AP1B1: variants seen among roughly 807,000 people sequenced by gnomAD.
AP1B1 encodes the protein AP-1 complex subunit beta-1.
A neutral mutation model predicts 104.3 loss-of-function variants in AP1B1; 36 were observed. The ratio of observed to expected loss-of-function variants is 0.35; its 90% CI spans 0.26 to 0.46. The LOEUF (loss-of-function observed/expected upper bound fraction) is 0.46. Ranked by LOEUF, AP1B1 falls within the 20% of genes least tolerant of loss-of-function variation. The pLI is 1.00. For synonymous variants in AP1B1, 504 were observed against 517.5 expected (o/e 0.97, Z 0.35); for missense variants, 901 against 1,247.9 (o/e 0.72, Z 4.19).
chr22:29,350,726 CAGAG>C (rs1309824451), intron 9 of AP1B1, among the ~76,000 whole-genome samples: 10 of 152,156 alleles, frequency 6.6e-5, no homozygotes, highest in Non-Finnish European at 2.9e-5. Flanking sequence ...TCTCCACAGA[CAGAG>C]AAAGGACGGG....
chr22:29,331,329 TC>T, intron 19 of AP1B1, 119 bp downstream of exon 19: 2 of 1,001,406 alleles, frequency 2.0e-6, no homozygotes, highest in East Asian at 4.8e-5. Flanking sequence ...AAGCAGCAAC[TC>T]CCCGACTCCA....
In AP1B1 at chr22:29,337,535, G is replaced by A. The variant is rs73403025; in HGVS notation, c.2163+1455C>T. Among the ~76,000 whole-genome samples, 809 of 152,246 alleles carry A rather than the reference G, an allele frequency of 5.3e-3. 7 individuals are homozygous for A. The highest frequency in any genetic ancestry group is 0.018 in the African/African-American group (768 of 41,522). On this transcript the variant is annotated intron_variant, in intron 16 of 22. Transcript: ENST00000357586. ...GACAGAGCTGTCACTGCCCCTGACC[G>A]CCAACTGTATCCTGCTTTGGGGTGG...
chr22:29,357,029 C>T (rs1172581210), intron 5 of AP1B1, among the ~76,000 whole-genome samples: 2 of 151,696 alleles, frequency 1.3e-5, no homozygotes, highest in African/African-American at 4.8e-5. Context: ...TCCAGGCCCT[C>T]AATCCATTTC....
Position 29,342,312 on chromosome 22 carries a change from C to T in AP1B1, c.1509G>A (p.Val503=), listed in dbSNP as rs1444491423. Residue 503 remains valine, a synonymous_variant, in exon 12 of 23, where the codon GTG becomes GTA. Coordinates refer to ENST00000357586, the MANE Select transcript of AP1B1 (RefSeq NM_001127.4). ...LKKPTETQEL[V]QQVLSLATQD... ...GAGTGGCCAAACTGAGGACCTGCTG[C>T]ACCAGCTCCTGGGTCTCTGTTGGCT... 2 of 1,614,098 alleles carry T rather than the reference C, an allele frequency of 1.2e-6. No individual in the cohort carries two copies. The highest frequency in any genetic ancestry group is 2.2e-5 in the South Asian group (2 of 91,064).
At position 29,340,818 on chromosome 22, in the gene AP1B1, T is replaced by C. The variant is rs751723222; in HGVS notation, c.1836A>G (p.Gly612=). The C allele has an allele frequency of 1.3e-6, 2 of 1,599,804 alleles. No homozygotes were observed. The highest frequency in any genetic ancestry group is 4.5e-5 in the East Asian group (2 of 44,414). The change falls in exon 14 of 23, where the codon GGA becomes GGG. Residue 612 remains glycine, a synonymous_variant. Transcript: ENST00000357586. ...CATCTGGCTGCTCCCCAGGAGGTGC[T>C]CCAGTAGGGGCTGTCTCAGGGCTCT... ...SAESPETAPT[G]APPGEQPDVI...
intron 14 of AP1B1, 83 bp from the exon 15 acceptor site, chr22:29,339,857 AGAGAGAAGGGAAAGAGG>A: frequency 1.4e-6 from 2 of 1,432,448 alleles, no homozygotes; most frequent in Non-Finnish European, 1.9e-6. Flanking sequence ...GAGAAACAAG[AGAGAGAAGGGAAAGAGG>A]GAGATTAGTC....
chr22:29,333,568 G>A (rs528119493), intron 17 of AP1B1, among the ~76,000 whole-genome samples: 2 of 152,174 alleles, frequency 1.3e-5, no homozygotes, highest in South Asian at 2.1e-4. Flanking sequence ...AATAAGGGGG[G>A]CCAGGTGTGG....
chr22:29,340,716 C>T lies in AP1B1; in HGVS notation c.1938G>A (p.Leu646=), dbSNP rs567625124. 135 of 1,590,660 alleles carry T rather than the reference C, an allele frequency of 8.5e-5. No homozygotes were observed. The highest frequency in any genetic ancestry group is 1.1e-4 in the Non-Finnish European group (130 of 1,169,160). Reference sequence around the variant, plus strand: ...CTCCCATCTGCACCGAGGAGGTGGCCAGGGGTGGGCCGCTCACTGGGGGGC... The same window carrying T: ...CTCCCATCTGCACCGAGGAGGTGGCTAGGGGTGGGCCGCTCACTGGGGGGC... The part of the protein sequence containing the change: ...DLGPPVSGPP[L]ATSSVQMGAV... The change falls in exon 14 of 23, where the codon CTG becomes CTA. Residue 646 remains leucine, a synonymous_variant. Coordinates refer to ENST00000357586, the MANE Select transcript of AP1B1 (RefSeq NM_001127.4).
rs1353274481 is a variant in AP1B1 at position 29,330,373 on chromosome 22, C to G, written c.2766+5G>C. The G allele has an allele frequency of 1.2e-6, 2 of 1,613,100 alleles. No homozygotes were observed. The highest frequency in any genetic ancestry group is 2.2e-5 in the South Asian group (2 of 91,074). Reference sequence around the variant, plus strand: ...AGGCTGCAGGGCGGGTGCCGGGGCTCTCACCGTGCAGCTGGGGTTGCCCGG... The same window carrying G: ...AGGCTGCAGGGCGGGTGCCGGGGCTGTCACCGTGCAGCTGGGGTTGCCCGG... On this transcript the variant is annotated splice_donor_5th_base_variant and intron_variant, in intron 21 of 22. Coordinates refer to ENST00000357586, the MANE Select transcript of AP1B1 (RefSeq NM_001127.4).
At chr22:29,351,126 C>G in intron 9 of AP1B1, 45 bp downstream of exon 9, 1 of 1,554,788 alleles carries the variant, frequency 6.4e-7, no homozygotes, top group South Asian at 1.2e-5. Flanking sequence ...CCGGTTTCAG[C>G]CCCCTTTTCC....
intron 16 of AP1B1, among the ~76,000 whole-genome samples, chr22:29,337,408 T>C (rs938153299): frequency 6.6e-6 from 1 of 152,186 alleles, no homozygotes; most frequent in Non-Finnish European, 1.5e-5. Context: ...GCCCAGACCC[T>C]GCCAGGGGCT....
At chr22:29,361,815 G>A (rs1048833509) in intron 3 of AP1B1, among the ~76,000 whole-genome samples, 1 of 150,992 alleles carries the variant, frequency 6.6e-6, no homozygotes, top group Non-Finnish European at 1.5e-5. Context: ...TTTTTTTTGA[G>A]ATGGAGTCTT....
chr22:29,376,711 G>C (rs992326276), intron 1 of AP1B1, among the ~76,000 whole-genome samples: 1 of 152,138 alleles, frequency 6.6e-6, no homozygotes, highest in Non-Finnish European at 1.5e-5. Flanking sequence ...GGAGCAGAAA[G>C]GCCAAACTTT....
Position 29,337,726 on chromosome 22 carries a change from C to T in AP1B1, c.2163+1264G>A, listed in dbSNP as rs1027550022. On this transcript the variant is annotated intron_variant, in intron 16 of 22. Transcript: ENST00000357586. ...GGCCCGCATGTCCTCACATCCCAAACTCAACTCTCCTTCCCTCAGCCCCGG... is the reference window on the plus strand; with the variant it reads ...GGCCCGCATGTCCTCACATCCCAAATTCAACTCTCCTTCCCTCAGCCCCGG... 2.0e-4 allele frequency among the ~76,000 whole-genome samples: 30 copies of T among 152,186 alleles called. 1 individual carries two copies. Among genetic ancestry groups the T allele is most frequent in the Non-Finnish European group, 1.0e-4 (7 of 68,030 alleles).
At position 29,345,656 on chromosome 22, in the gene AP1B1, C is replaced by T. The variant is rs552249529; in HGVS notation, c.1438-3273G>A. On this transcript the variant is annotated intron_variant, in intron 11 of 22. Transcript: ENST00000357586. ...AAGTGCTGGGGTTACAGGCGTGAGC[C>T]GCTGCACCCAGTTAACAAGTTTTGT... Among the ~76,000 whole-genome samples, 436 of 143,638 alleles carry T rather than the reference C, an allele frequency of 3.0e-3. 3 individuals carry two copies. Among genetic ancestry groups the T allele is most frequent in the Non-Finnish European group, 5.4e-3 (352 of 65,292 alleles). The allele number at this position is 143,638 out of a possible 152,430, so 94.2% of individuals were successfully genotyped here.
In AP1B1 at chr22:29,367,157, G is replaced by C. The variant is rs751962866; in HGVS notation, c.37+50C>G. 4 of 1,573,474 alleles carry C rather than the reference G, an allele frequency of 2.5e-6. No individual in the cohort carries two copies. The South Asian group carries it at 4.4e-5, about 17-fold the overall frequency. Reference sequence around the variant, plus strand: ...TACCGCCATAGGAGGAAAACAGAAGGGACAGGAAGAGAAAGCATAGGACAA... The same window carrying C: ...TACCGCCATAGGAGGAAAACAGAAGCGACAGGAAGAGAAAGCATAGGACAA... On this transcript the variant is annotated intron_variant, in intron 2 of 22. Coordinates refer to ENST00000357586, the MANE Select transcript of AP1B1 (RefSeq NM_001127.4).
chr22:29,352,772 A>G (rs1275901661), intron 7 of AP1B1, among the ~76,000 whole-genome samples: 4 of 152,154 alleles, frequency 2.6e-5, no homozygotes, highest in Admixed American at 6.5e-5. Context: ...CAAAAAATAT[A>G]TATATTTAAA....
intron 1 of AP1B1, among the ~76,000 whole-genome samples, chr22:29,376,007 G>A (rs1208109356): frequency 6.6e-6 from 1 of 152,176 alleles, no homozygotes; most frequent in Non-Finnish European, 1.5e-5. Flanking sequence ...TTCTCTGCTG[G>A]ATGAGGGGCC....
chr22:29,378,055 T>C (rs141143126), intron 1 of AP1B1, among the ~76,000 whole-genome samples: 1 of 152,238 alleles, frequency 6.6e-6, no homozygotes, highest in Non-Finnish European at 1.5e-5. Flanking sequence ...GAAATATACA[T>C]GCTCTAGGGT....
Sources: allele counts gnomAD v4.1 joint callset (sites outside exome capture counted in the v4.1 genomes callset), GRCh38; gene constraint gnomAD v4.1.1; transcripts MANE v1.5; gene names NCBI Gene and HGNC (gene_info 2026-07-23, HGNC 2026-07-21).